SLC1A4: variants seen among roughly 807,000 people sequenced by gnomAD.
The protein encoded by SLC1A4 is solute carrier family 1 member 4.
Under a neutral mutation model 37.7 loss-of-function variants are expected in SLC1A4, and 19 were observed. The observed-to-expected ratio is 0.50, with a 90% CI of 0.35 to 0.74. The LOEUF is 0.74. Ranked by LOEUF, SLC1A4 falls within the 30% of genes least tolerant of loss-of-function variation. The probability of loss-of-function intolerance (pLI) is 0.01; values close to 1 mark genes in which losing one functional copy is unlikely to be tolerated. For synonymous variants in SLC1A4, 299 were observed against 309.8 expected, an observed-to-expected ratio of 0.97 and a Z score of 0.37; for missense variants, 570 against 712.9, an observed-to-expected ratio of 0.80 and a Z score of 2.28.
In SLC1A4 at chr2:65,018,001, TGAGAC is replaced by T. The variant is rs1324752945; in HGVS notation, c.1035-69_1035-65del. The T allele has an allele frequency of 7.2e-7, 1 of 1,395,186 alleles. No homozygotes were observed. The highest frequency in any genetic ancestry group is 1.4e-5 in the African/African-American group (1 of 70,328). The allele number at this position is 1,395,186 out of a possible 1,614,324, so 86.4% of individuals were successfully genotyped here. On this transcript the variant is annotated intron_variant, in intron 5 of 7. Coordinates refer to ENST00000234256, the MANE Select transcript of SLC1A4 (RefSeq NM_003038.5). This position sits in a 1 kb window ranked among gnomAD's most constrained non-coding sequence, Gnocchi z 4.3. ...GTGCTAATTGCTCTGTTCTGGGGTC[TGAGAC>T]AAGACACATGTTAGCCTGCCTCGGA...
At chr2:65,013,005 T>C (rs1188148046) in intron 4 of SLC1A4, among the ~76,000 whole-genome samples, 1 of 152,194 alleles carries the variant, frequency 6.6e-6, no homozygotes, top group Non-Finnish European at 1.5e-5. Flanking sequence ...GGCTCACAGT[T>C]CTACAGGCTA....
chr2:65,020,398 C>T (rs988889264), intron 7 of SLC1A4, among the ~76,000 whole-genome samples: 1 of 152,126 alleles, frequency 6.6e-6, no homozygotes, highest in Non-Finnish European at 1.5e-5. Context: ...TCCTGAGTAG[C>T]TAGGATTACA....
At chr2:65,001,091 A>G (rs1043248605) in intron 1 of SLC1A4, 7 of 188,850 alleles carry the variant, frequency 3.7e-5, no homozygotes, top group Non-Finnish European at 5.4e-5. Flanking sequence ...CAGTGGCTTC[A>G]AAGTATCTAC....
Position 65,018,725 on chromosome 2 carries a change from T to C in SLC1A4, c.1364+46T>C. 1 of 1,608,630 alleles carries C rather than the reference T, an allele frequency of 6.2e-7. No homozygotes were observed. Among genetic ancestry groups the C allele is most frequent in the Non-Finnish European group, 8.5e-7 (1 of 1,177,360 alleles). On this transcript the variant is annotated intron_variant, in intron 7 of 7. Coordinates refer to ENST00000234256, the MANE Select transcript of SLC1A4 (RefSeq NM_003038.5). This position sits in a 1 kb window ranked among gnomAD's most constrained non-coding sequence, Gnocchi z 4.3. Reference sequence around the variant, plus strand: ...ACACCAAAAAGAGTCTGCACTGAGTTCCCTAGGAGCTTAGCACTGCTGGGC... The same window carrying C: ...ACACCAAAAAGAGTCTGCACTGAGTCCCCTAGGAGCTTAGCACTGCTGGGC...
At chr2:64,990,826 C>G (rs1673021437) in intron 1 of SLC1A4, among the ~76,000 whole-genome samples, 1 of 152,182 alleles carries the variant, frequency 6.6e-6, no homozygotes, top group Non-Finnish European at 1.5e-5. Context: ...AAAGGCCTTT[C>G]TTTGTGCGAA....
chr2:65,020,313 C>G (rs1674362805), intron 7 of SLC1A4, among the ~76,000 whole-genome samples: 2 of 152,198 alleles, frequency 1.3e-5, no homozygotes, highest in African/African-American at 4.8e-5. Context: ...GTGGTCCAGG[C>G]TAGAGTGCAA....
intron 3 of SLC1A4, among the ~76,000 whole-genome samples, chr2:65,006,793 A>G (rs768277719): frequency 2.0e-5 from 3 of 152,206 alleles, no homozygotes; most frequent in Non-Finnish European, 4.4e-5. Flanking sequence ...TTTCTATACT[A>G]GCCAAGTATG....
chr2:65,019,460 T>C (rs1489850260), intron 7 of SLC1A4, among the ~76,000 whole-genome samples: 3 of 152,074 alleles, frequency 2.0e-5, no homozygotes, highest in Non-Finnish European at 4.4e-5. Flanking sequence ...ACCAGGGTTG[T>C]GGGGAAGATT....
At chr2:65,019,870 C>A (rs888213341) in intron 7 of SLC1A4, among the ~76,000 whole-genome samples, 7 of 152,216 alleles carry the variant, frequency 4.6e-5, no homozygotes, top group African/African-American at 1.7e-4. Flanking sequence ...CCAGTGGAGA[C>A]CTGAAGTCAC....
chr2:65,019,137 AGAG>A (rs1429967903), intron 7 of SLC1A4, among the ~76,000 whole-genome samples: 1 of 152,222 alleles, frequency 6.6e-6, no homozygotes, highest in Non-Finnish European at 1.5e-5. Context: ...TGGGCTCAGC[AGAG>A]GAGGAGGTAG....
chr2:64,990,564 A>G (rs1180945147), intron 1 of SLC1A4, among the ~76,000 whole-genome samples: 1 of 152,136 alleles, frequency 6.6e-6, no homozygotes, highest in Non-Finnish European at 1.5e-5. Context: ...TGGTGCCTAA[A>G]AGCTTCTGGG....
rs758467595 is a variant in SLC1A4, at chr2:64,990,053, T to C, written c.410T>C (p.Phe137Ser). ...TCGGCGCTCGCCGTGGCCTTGGCGT[T>C]CATCATCAAGCCAGGATCCGGTGCG... ...SASALAVALA[F>S]IIKPGSGAQT... is the part of the protein sequence containing the mutation. Residue 137 changes from phenylalanine (F) to serine (S), a missense_variant, in exon 1 of 8, where the codon TTC becomes TCC. Physicochemically the swap from Phe to Ser is radical, Grantham distance 155 (BLOSUM62 -2). Coordinates refer to ENST00000234256, the MANE Select transcript of SLC1A4 (RefSeq NM_003038.5). 1 of 1,607,740 alleles carries C rather than the reference T, an allele frequency of 6.2e-7. No individual in the cohort carries two copies. The highest frequency in any genetic ancestry group is 8.5e-7 in the Non-Finnish European group (1 of 1,177,318).
At chr2:64,992,301 A>T (rs1673088693) in intron 1 of SLC1A4, among the ~76,000 whole-genome samples, 1 of 152,000 alleles carries the variant, frequency 6.6e-6, no homozygotes, top group Admixed American at 6.6e-5. Flanking sequence ...TCCTGAAGGG[A>T]CTTCTTGTTT....
chr2:64,990,350 T>C (rs1329317985), intron 1 of SLC1A4, among the ~76,000 whole-genome samples, 180 bp downstream of exon 1: 3 of 152,172 alleles, frequency 2.0e-5, no homozygotes, highest in Non-Finnish European at 4.4e-5. Context: ...TGACCACACC[T>C]TTGCAAACAG....
upstream of SLC1A4, chr2:64,989,394 G>C (rs1672946970): frequency 5.5e-6 from 2 of 362,696 alleles, no homozygotes; most frequent in Middle Eastern, 7.2e-4. Flanking sequence ...GCTCCCGTTT[G>C]CATCATCTCC....
intron 3 of SLC1A4, among the ~76,000 whole-genome samples, chr2:65,004,692 G>T (rs1222685127): frequency 1.3e-5 from 2 of 151,894 alleles, no homozygotes; most frequent in Non-Finnish European, 2.9e-5. Context: ...ATATAAGGGA[G>T]AAATAAAAAT....
intron 1 of SLC1A4, chr2:65,000,235 A>G (rs1225320614): frequency 4.6e-5 from 7 of 152,214 alleles, no homozygotes; most frequent in African/African-American, 1.7e-4. Flanking sequence ...CATCCTACAC[A>G]GAGCCCTCAG....
chr2:64,993,803 G>A (rs556720416), intron 1 of SLC1A4, among the ~76,000 whole-genome samples: 14 of 152,248 alleles, frequency 9.2e-5, no homozygotes, highest in African/African-American at 3.1e-4. Context: ...TACCCACCTC[G>A]CAGGATTGTT....
In SLC1A4 at chr2:65,021,170, T is replaced by C. The variant is rs764708546; in HGVS notation, c.*24T>C. On this transcript the variant is annotated 3_prime_UTR_variant, in exon 8 of 8. Coordinates refer to ENST00000234256, the MANE Select transcript of SLC1A4 (RefSeq NM_003038.5). ...GATGGGGCTGGGCTTTGGGCTTGCC[T>C]GCCAGCAGTGATGTCCCACCCTGTT... 1 of 1,582,460 alleles carries C rather than the reference T, an allele frequency of 6.3e-7. No homozygotes were observed. The highest frequency in any genetic ancestry group is 8.7e-7 in the Non-Finnish European group (1 of 1,152,552).
Sources: gnomAD v4.1 joint callset for allele counts (sites outside exome capture counted in the v4.1 genomes callset) on GRCh38, gnomAD v4.1.1 for gene constraint, Gnocchi (gnomAD v3.1) non-coding constraint, MANE v1.5 for transcripts, NCBI Gene and HGNC (gene_info 2026-07-23, HGNC 2026-07-21) for gene names.